The following NEMF variants were observed in gnomAD, a reference collection of about 807,000 sequenced individuals.
NEMF encodes nuclear export mediator factor.
NEMF carries 89 observed loss-of-function variants against 162.2 expected under a neutral mutation model. The ratio of observed to expected loss-of-function variants is 0.55; its 90% confidence interval spans 0.46 to 0.65. The LOEUF (loss-of-function observed/expected upper bound fraction) is 0.65. Among genes scored for constraint, NEMF ranks in the 30% least tolerant of loss-of-function variants. The pLI is 0.00. For synonymous variants in NEMF, 421 were observed against 404.5 expected (o/e 1.04, Z -0.49); for missense variants, 1,133 against 1,261.9 (o/e 0.90, Z 1.55).
intron 18 of NEMF, among the ~76,000 whole-genome samples, chr14:49,808,792 T>C (rs1165028456): frequency 2.0e-5 from 3 of 151,812 alleles, no homozygotes; most frequent in South Asian, 2.1e-4. Context: ...AGATAAAAGA[T>C]TGTTATCTAA....
chr14:49,787,372 T>C (rs35343889), intron 28 of NEMF, among the ~76,000 whole-genome samples: 20,898 of 152,294 alleles, frequency 0.14, 2,988 homozygotes, highest in East Asian at 0.77. Context: ...ATTCAATGTC[T>C]GATAAGGGCT....
At chr14:49,797,190 A>G (rs1051394926) in intron 25 of NEMF, among the ~76,000 whole-genome samples, 4 of 152,056 alleles carry the variant, frequency 2.6e-5, no homozygotes, top group Non-Finnish European at 2.9e-5. Context: ...ATGTTTCTCA[A>G]ATGAAAAGGC....
intron 4 of NEMF, among the ~76,000 whole-genome samples, chr14:49,843,998 C>T (rs1040781679): frequency 3.3e-5 from 5 of 151,732 alleles, no homozygotes; most frequent in Non-Finnish European, 2.9e-5. Context: ...ACTCAGGAGG[C>T]TGAGGCACTA....
intron 16 of NEMF, chr14:49,820,142 G>T: frequency 4.4e-6 from 1 of 228,504 alleles, no homozygotes; most frequent in Non-Finnish European, 8.8e-6. Flanking sequence ...AGTAGAAACG[G>T]GGGTTCACCT....
chr14:49,850,581 A>G (rs1410427019), intron 3 of NEMF, among the ~76,000 whole-genome samples: 1 of 152,158 alleles, frequency 6.6e-6, no homozygotes, highest in Admixed American at 6.5e-5. Context: ...TACCACATGA[A>G]TTTTCAATCT....
At chr14:49,796,321 T>G (rs776267361) in intron 25 of NEMF, 2 of 459,950 alleles carry the variant, frequency 4.3e-6, no homozygotes, top group Middle Eastern at 3.2e-4. Flanking sequence ...TGTTGACCGG[T>G]TGGTTGACTA....
chr14:49,784,137 A>G lies in NEMF; in HGVS notation c.*499T>C, dbSNP rs1031080255. ...TATAATTAGCATTTAACTGTCCACA[A>G]ATACTTTAGGAAATCCTATCATAGT... On this transcript the variant is annotated 3_prime_UTR_variant, in exon 33 of 33. Coordinates refer to ENST00000298310, the MANE Select transcript of NEMF (RefSeq NM_004713.6). The G allele has an allele frequency of 6.6e-6, 1 of 152,196 alleles. No homozygotes were observed. The highest frequency in any genetic ancestry group is 2.4e-5 in the African/African-American group (1 of 41,374). 9.4% of individuals were successfully genotyped at this position (152,196 alleles called of 1,614,324 possible).
chr14:49,830,456 C>G (rs1436401447), intron 11 of NEMF, among the ~76,000 whole-genome samples: 1 of 152,182 alleles, frequency 6.6e-6, no homozygotes, highest in Non-Finnish European at 1.5e-5. Flanking sequence ...TGCAGTGGCA[C>G]AGTCTCAGCT....
intron 29 of NEMF, 93 bp downstream of exon 29, chr14:49,786,625 G>T: frequency 1.6e-6 from 2 of 1,258,720 alleles, no homozygotes; most frequent in Non-Finnish European, 2.3e-6. Flanking sequence ...TCTTGTCTTA[G>T]GTTTCTAAGT....
Position 49,834,350 on chromosome 14 carries a change from C to G in NEMF, c.661+13G>C. 1.3e-6 allele frequency: 2 copies of G among 1,532,104 alleles called. No homozygotes were observed. The highest frequency in any genetic ancestry group is 1.8e-5 in the Admixed American group (1 of 57,062). 94.9% of individuals were successfully genotyped at this position (1,532,104 alleles called of 1,614,324 possible). ...AAAATGAAATAAATGAAAAATGTAC[C>G]ATGCAGACATACCTTTAGTTTCAAG... On this transcript the variant is annotated intron_variant, in intron 7 of 32. Coordinates refer to ENST00000298310, the MANE Select transcript of NEMF (RefSeq NM_004713.6).
At chr14:49,834,889 T>TA (rs1233037438) in intron 6 of NEMF, among the ~76,000 whole-genome samples, 1 of 152,256 alleles carries the variant, frequency 6.6e-6, no homozygotes, top group Admixed American at 6.5e-5. Context: ...TTTGAAGTGT[T>TA]ACTTAGAAAT....
chr14:49,799,423 T>TAA, intron 25 of NEMF, 52 bp downstream of exon 25: 10 of 1,270,126 alleles, frequency 7.9e-6, no homozygotes, highest in Admixed American at 2.4e-5. Flanking sequence ...AGCTATCAAT[T>TAA]AAAAAAAAAA....
At chr14:49,850,665 C>A in intron 3 of NEMF, among the ~76,000 whole-genome samples, 1 of 144,714 alleles carries the variant, frequency 6.9e-6, no homozygotes, top group South Asian at 2.2e-4. Flanking sequence ...AAAAACAAAA[C>A]AGAAAAATAA....
intron 23 of NEMF, among the ~76,000 whole-genome samples, chr14:49,800,015 C>T (rs947083624): frequency 6.6e-6 from 1 of 152,278 alleles, no homozygotes; most frequent in Admixed American, 6.5e-5. Flanking sequence ...TTCCCAAGGA[C>T]GCACCCTAAG....
chr14:49,785,334 A>ACC lies in NEMF; in HGVS notation c.2929-15_2929-14insGG. The ACC allele has an allele frequency of 1.3e-6, 2 of 1,596,840 alleles. No homozygotes were observed. The highest frequency in any genetic ancestry group is 1.7e-6 in the Non-Finnish European group (2 of 1,164,386). ...AAATAGGTTTTCCTAAAAAGGGAAA[A>ACC]TAACAGTTACAAAGGCAATTTATAC... On this transcript the variant is annotated splice_polypyrimidine_tract_variant and intron_variant, in intron 29 of 32. Transcript: ENST00000298310.
intron 5 of NEMF, among the ~76,000 whole-genome samples, chr14:49,838,995 A>C (rs2061290239): frequency 6.6e-6 from 1 of 152,130 alleles, no homozygotes; most frequent in Admixed American, 6.6e-5. Context: ...GACTAGATCT[A>C]CTGAATTAGC....
chr14:49,803,260 G>A lies in NEMF; in HGVS notation c.1892C>T (p.Thr631Ile). 3 of 1,609,736 alleles carry A rather than the reference G, an allele frequency of 1.9e-6. No homozygotes were observed. The highest frequency in any genetic ancestry group is 2.6e-6 in the Non-Finnish European group (3 of 1,176,356). The change falls in exon 20 of 33, where the codon ACA (threonine) becomes ATA (isoleucine). Residue 631 changes from threonine (T) to isoleucine (I), a missense_variant. This residue lies in a region of NEMF where 532 missense variants were observed against 578.6 expected (regional missense o/e 0.92). Coordinates refer to ENST00000298310, the MANE Select transcript of NEMF (RefSeq NM_004713.6). ...SKTAPTGEYL[T>I]TGSFMIRGKK... ...ACCTCTTATCATGAAGCTTCCTGTT[G>A]TCAAATATTCTCCAGTTGGTGCTGT...
At chr14:49,814,115 T>G in intron 17 of NEMF, 65 bp from the exon 18 acceptor site, 1 of 1,013,280 alleles carries the variant, frequency 9.9e-7, no homozygotes, top group Non-Finnish European at 1.5e-6. Context: ...CTTTTTTTTT[T>G]TTCAGATGGA....
At position 49,828,755 on chromosome 14, in the gene NEMF, T is replaced by G. The variant is rs776585002; in HGVS notation, c.1285A>C (p.Asn429His). 11 of 1,574,816 alleles carry G rather than the reference T, an allele frequency of 7.0e-6. No homozygotes were observed. In the Admixed American group the frequency reaches 2.0e-4, roughly 28 times the overall value. ...GGTTCAGTTTCATTTTTCTCAACAT[T>G]GACGTCACCATCAACATCATCATCT... ...EEDDDVDGDV[N>H]VEKNETEPPK... Residue 429 changes from asparagine (N) to histidine (H), a missense_variant, in exon 14 of 33, where the codon AAT becomes CAT. Asn to His is a moderately conservative substitution (Grantham distance 68). Around this residue, in one of 3 missense-constraint regions of NEMF, gnomAD observed 582 missense variants for 631.5 expected, o/e 0.92. Coordinates refer to ENST00000298310, the MANE Select transcript of NEMF (RefSeq NM_004713.6).
Sources: allele counts gnomAD v4.1 joint callset (sites outside exome capture counted in the v4.1 genomes callset), GRCh38; gene constraint gnomAD v4.1.1; regional missense constraint gnomAD v4.1.1; transcripts MANE v1.5; gene names NCBI Gene and HGNC (gene_info 2026-07-23, HGNC 2026-07-21).